JAKMIP2: variants seen among roughly 807,000 people sequenced by gnomAD.
The protein encoded by JAKMIP2 is janus kinase and microtubule interacting protein 2, also known as janus kinase and microtubule-interacting protein 2.
A neutral mutation model predicts 115.0 loss-of-function variants in JAKMIP2; 25 were observed. The ratio of observed to expected loss-of-function variants is 0.22; its 90% CI spans 0.16 to 0.30. The LOEUF (loss-of-function observed/expected upper bound fraction) is 0.30, where lower values mean the gene tolerates loss of function less well. Ranked by LOEUF, JAKMIP2 falls within the 10% of genes least tolerant of loss-of-function variation. JAKMIP2 has a pLI of 1.00. For missense variants in JAKMIP2, 642 were observed against 957.6 expected, an observed-to-expected ratio of 0.67 and a Z score of 4.35; for synonymous variants, 334 against 343.6, an observed-to-expected ratio of 0.97 and a Z score of 0.31.
intron 1 of JAKMIP2, among the ~76,000 whole-genome samples, chr5:147,764,971 A>C (rs1375492636): frequency 1.1e-5 from 1 of 88,412 alleles, no homozygotes; most frequent in Non-Finnish European, 2.4e-5. Flanking sequence ...AGAGAGGGGG[A>C]GAGAGAGAGA....
intron 21 of JAKMIP2, among the ~76,000 whole-genome samples, chr5:147,599,879 C>G (rs1348192208): frequency 6.6e-6 from 1 of 152,024 alleles, no homozygotes; most frequent in Non-Finnish European, 1.5e-5. Flanking sequence ...AATACCTATC[C>G]CACAGGGGAT....
At chr5:147,620,838 A>G in intron 17 of JAKMIP2, 95 bp from the exon 18 acceptor site, 1 of 885,184 alleles carries the variant, frequency 1.1e-6, no homozygotes, top group Non-Finnish European at 1.8e-6. Context: ...TTCTACCATA[A>G]GACAAATCAC....
chr5:147,709,180 G>A (rs1211457570), intron 1 of JAKMIP2, among the ~76,000 whole-genome samples: 1 of 152,174 alleles, frequency 6.6e-6, no homozygotes, highest in Non-Finnish European at 1.5e-5. Flanking sequence ...CAGTGTTTAA[G>A]TGATATTTTA....
intron 5 of JAKMIP2, among the ~76,000 whole-genome samples, chr5:147,646,339 T>C (rs924394225): frequency 1.3e-5 from 2 of 152,212 alleles, no homozygotes; most frequent in African/African-American, 4.8e-5. Flanking sequence ...CCTTAGTGCC[T>C]GAAGCATTAA....
At chr5:147,762,444 A>AG in intron 1 of JAKMIP2, among the ~76,000 whole-genome samples, 1 of 152,212 alleles carries the variant, frequency 6.6e-6, no homozygotes, top group East Asian at 1.9e-4. Context: ...ATCTTCTCAC[A>AG]GTTCTAGGGG....
intron 1 of JAKMIP2, among the ~76,000 whole-genome samples, chr5:147,741,614 T>C (rs1310764564): frequency 6.6e-6 from 1 of 152,140 alleles, no homozygotes; most frequent in African/African-American, 2.4e-5. Context: ...TGAAAGAAAC[T>C]AATTATACAG....
At chr5:147,603,177 C>A (rs1179794773) in intron 20 of JAKMIP2, among the ~76,000 whole-genome samples, 1 of 152,148 alleles carries the variant, frequency 6.6e-6, no homozygotes, top group Admixed American at 6.5e-5. Context: ...GAGTCAGACA[C>A]CCTGACCTCT....
rs1440069453 is a variant in JAKMIP2 at position 147,586,347 on chromosome 5, G to A, written c.*5360C>T. The A allele has an allele frequency of 6.6e-6, 1 of 152,146 alleles. No individual in the cohort carries two copies. The highest frequency in any genetic ancestry group is 1.5e-5 in the Non-Finnish European group (1 of 68,058). The allele number at this position is 152,146 out of a possible 1,614,324, so 9.4% of individuals were successfully genotyped here. A position where few individuals can be genotyped will look rare whatever the true frequency, so the allele number is the denominator to read the frequency against. ...TGTTTGGATTTTGATCTGCCTCATTGTGGGAAGTTGCTATGGTTAATGGCT... is the reference window on the plus strand; with the variant it reads ...TGTTTGGATTTTGATCTGCCTCATTATGGGAAGTTGCTATGGTTAATGGCT... On this transcript the variant is annotated 3_prime_UTR_variant, in exon 22 of 22. Coordinates refer to ENST00000616793, the MANE Select transcript of JAKMIP2 (RefSeq NM_001270941.2).
At chr5:147,680,725 A>T (rs1228647733) in intron 1 of JAKMIP2, among the ~76,000 whole-genome samples, 10 of 152,220 alleles carry the variant, frequency 6.6e-5, no homozygotes, top group Non-Finnish European at 1.3e-4. Context: ...TTCTCCATGC[A>T]GGAAAAATGT....
chr5:147,701,575 A>G (rs1203961862), intron 1 of JAKMIP2, among the ~76,000 whole-genome samples: 2 of 152,180 alleles, frequency 1.3e-5, no homozygotes, highest in Admixed American at 6.6e-5. Flanking sequence ...ATATGTTTCA[A>G]CTAACATAGA....
At chr5:147,631,314 C>CCAGTGACT in intron 14 of JAKMIP2, 99 bp downstream of exon 14, 1 of 644,096 alleles carries the variant, frequency 1.6e-6, no homozygotes, top group Admixed American at 3.0e-5. Context: ...ATGATGACAT[C>CCAGTGACT]CAGTGACTGA....
At chr5:147,669,092 A>G (rs1289464045) in intron 2 of JAKMIP2, among the ~76,000 whole-genome samples, 18 of 152,148 alleles carry the variant, frequency 1.2e-4, no homozygotes. Context: ...AGAGCCTCAG[A>G]GCCAACCTGA....
intron 1 of JAKMIP2, among the ~76,000 whole-genome samples, chr5:147,682,877 G>A (rs909267650): frequency 6.6e-6 from 1 of 152,110 alleles, no homozygotes; most frequent in African/African-American, 2.4e-5. Flanking sequence ...ATAGTAACAA[G>A]CTTAATTTCA....
intron 1 of JAKMIP2, among the ~76,000 whole-genome samples, chr5:147,742,822 G>A (rs967212631): frequency 1.3e-5 from 2 of 151,566 alleles, no homozygotes; most frequent in Admixed American, 1.3e-4. Flanking sequence ...ACACTATTTC[G>A]GTGTTAGAAT....
chr5:147,596,963 C>T (rs1755421294), intron 21 of JAKMIP2, among the ~76,000 whole-genome samples: 1 of 152,046 alleles, frequency 6.6e-6, no homozygotes, highest in Non-Finnish European at 1.5e-5. Flanking sequence ...CCTCTGCCTC[C>T]TGGGTTCTAA....
chr5:147,718,611 C>G (rs1372458440), intron 1 of JAKMIP2, among the ~76,000 whole-genome samples: 1 of 151,494 alleles, frequency 6.6e-6, no homozygotes, highest in Non-Finnish European at 1.5e-5. Context: ...TCCATTTCTT[C>G]TAGATTTTCT....
intron 1 of JAKMIP2, among the ~76,000 whole-genome samples, chr5:147,742,153 A>ATTT (rs759308175): frequency 5.8e-4 from 64 of 110,282 alleles, no homozygotes; most frequent in Admixed American, 6.6e-4. Flanking sequence ...ATATATATAT[A>ATTT]TATTTTTTTT....
chr5:147,625,980 G>A (rs1057498451), intron 16 of JAKMIP2, among the ~76,000 whole-genome samples: 3 of 152,062 alleles, frequency 2.0e-5, no homozygotes, highest in Non-Finnish European at 4.4e-5. Context: ...CTCACTCAAG[G>A]TCACTGCCAT....
At chr5:147,687,106 G>A (rs989997165) in intron 1 of JAKMIP2, among the ~76,000 whole-genome samples, 1 of 152,090 alleles carries the variant, frequency 6.6e-6, no homozygotes, top group Non-Finnish European at 1.5e-5. Flanking sequence ...GATAATTACT[G>A]TTCTTCATCC....
Sources: gnomAD v4.1 joint callset for allele counts (sites outside exome capture counted in the v4.1 genomes callset) on GRCh38, gnomAD v4.1.1 for gene constraint, MANE v1.5 for transcripts, NCBI Gene and HGNC (gene_info 2026-07-23, HGNC 2026-07-21) for gene names.